The following C1QTNF9 variants were observed in gnomAD, a reference collection of about 807,000 sequenced individuals.
C1QTNF9 encodes C1q and TNF related 9, also known as complement C1q and tumor necrosis factor-related protein 9A.
In C1QTNF9, 6 loss-of-function variants were observed where a neutral mutation model predicts 10.1. The ratio of observed to expected loss-of-function variants is 0.59; its 90% CI spans 0.32 to 1.17. The LOEUF (loss-of-function observed/expected upper bound fraction) is 1.17. C1QTNF9 is among the 50% of genes most tolerant of loss of function. The pLI is 0.04. For synonymous variants in C1QTNF9, 98 were observed against 163.5 expected, an observed-to-expected ratio of 0.60 and a Z score of 3.06; for missense variants, 201 against 418.8, an observed-to-expected ratio of 0.48 and a Z score of 4.54.
At position 24,317,601 on chromosome 13, in the gene C1QTNF9, T is replaced by TTTATCTTATC. The variant is rs60733908; in HGVS notation, c.167-1213_167-1204dup. ...GCTCACACTAAAAATTTACTTCATT[T>TTTATCTTATC]TTATCTTATCTTAAAGTGTATTTTT... is the stretch of plus-strand genomic sequence containing the variant. On this transcript the variant is annotated intron_variant, in intron 2 of 3. Transcript: ENST00000332018. Among the ~76,000 whole-genome samples, 1,222 of 152,122 alleles carry TTTATCTTATC rather than the reference T, an allele frequency of 8.0e-3. 9 individuals are homozygous for TTTATCTTATC. Among genetic ancestry groups the TTTATCTTATC allele is most frequent in the African/African-American group, 0.028 (1,157 of 41,484 alleles).
chr13:24,311,288 A>G (rs991148560), intron 1 of C1QTNF9, among the ~76,000 whole-genome samples: 1 of 152,264 alleles, frequency 6.6e-6, no homozygotes, highest in African/African-American at 2.4e-5. Context: ...AAGGACAGAT[A>G]TAGGTAAAGA....
rs368882530 is a variant in C1QTNF9 at position 24,312,727 on chromosome 13, T to C, written c.-23+3111T>C. 3.8e-4 allele frequency among the ~76,000 whole-genome samples: 57 copies of C among 151,796 alleles called. No individual in the cohort carries two copies. The South Asian group carries it at 4.2e-3, about 11-fold the overall frequency. On this transcript the variant is annotated intron_variant, in intron 1 of 3. Coordinates refer to ENST00000332018, the Ensembl canonical transcript of C1QTNF9. The stretch of plus-strand genomic sequence containing the variant: ...ATCCCAGCACTTTGGGAGGCCGAGG[T>C]GGGCGAATCACAAGGTCAGGAAATC...
intron 1 of C1QTNF9, among the ~76,000 whole-genome samples, chr13:24,314,424 T>C (rs937080790): frequency 1.3e-5 from 2 of 151,064 alleles, no homozygotes; most frequent in African/African-American, 2.4e-5. Context: ...GGCTCATGCC[T>C]GTAATCCCAG....
chr13:24,316,615 C>T (rs55652952), intron 2 of C1QTNF9, among the ~76,000 whole-genome samples: 18,961 of 152,240 alleles, frequency 0.12, 1,270 homozygotes, highest in Middle Eastern at 0.26. Flanking sequence ...GCTAATACCG[C>T]ATCATGCCAT....
At chr13:24,309,606 C>G (rs1482288689) in exon 1 of C1QTNF9, 4 of 151,832 alleles carry the variant, frequency 2.6e-5, no homozygotes, top group Non-Finnish European at 5.9e-5. Context: ...GCCTGCAGCC[C>G]TAGGGTCCAG....
At chr13:24,312,752 C>T (rs566010512) in intron 1 of C1QTNF9, among the ~76,000 whole-genome samples, 5 of 151,746 alleles carry the variant, frequency 3.3e-5, no homozygotes, top group East Asian at 1.9e-4. Context: ...GTCAGGAAAT[C>T]GAGACCATCC....
chr13:24,314,024 C>G (rs1327353225), intron 1 of C1QTNF9, among the ~76,000 whole-genome samples: 1 of 152,010 alleles, frequency 6.6e-6, no homozygotes, highest in Non-Finnish European at 1.5e-5. Context: ...ACGTTTTCAC[C>G]TGTTATAGAT....
intron 1 of C1QTNF9, among the ~76,000 whole-genome samples, chr13:24,311,490 G>T (rs1327649339): frequency 5.9e-5 from 9 of 152,198 alleles, no homozygotes; most frequent in Non-Finnish European, 1.3e-4. Flanking sequence ...TGATATCAAT[G>T]TATAGAGATC....
exon 2 of C1QTNF9, chr13:24,315,991 T>A (rs1878006669): frequency 6.2e-7 from 1 of 1,613,762 alleles, no homozygotes; most frequent in East Asian, 2.2e-5. Context: ...GTTCAGAGTC[T>A]GTCATCTGAA....
At chr13:24,314,117 G>A (rs1877938798) in intron 1 of C1QTNF9, among the ~76,000 whole-genome samples, 2 of 152,202 alleles carry the variant, frequency 1.3e-5, no homozygotes, top group Non-Finnish European at 2.9e-5. Context: ...CAGGGTGAAA[G>A]ACATAGATGT....
intron 1 of C1QTNF9, among the ~76,000 whole-genome samples, chr13:24,314,121 T>C (rs1877938959): frequency 6.6e-6 from 1 of 152,178 alleles, no homozygotes; most frequent in Admixed American, 6.5e-5. Context: ...GTGAAAGACA[T>C]AGATGTCTTT....
upstream of C1QTNF9, among the ~76,000 whole-genome samples, chr13:24,308,182 G>A (rs1381109785): frequency 6.6e-6 from 1 of 152,260 alleles, no homozygotes; most frequent in Admixed American, 6.5e-5. Context: ...CAGAGGTCCA[G>A]GCCGGCAGGC....
intron 1 of C1QTNF9, among the ~76,000 whole-genome samples, chr13:24,311,002 G>A (rs543352872): frequency 1.4e-4 from 21 of 152,096 alleles, no homozygotes; most frequent in Non-Finnish European, 5.9e-5. Flanking sequence ...TTCGATGAAG[G>A]CAGCCTAGAG....
intron 3 of C1QTNF9, among the ~76,000 whole-genome samples, chr13:24,320,190 C>T (rs1878196120): frequency 6.6e-6 from 1 of 151,814 alleles, no homozygotes; most frequent in Admixed American, 6.6e-5. Context: ...GTTAATCTAC[C>T]TGTCTCTGCT....
At chr13:24,312,173 G>T (rs924215652) in intron 1 of C1QTNF9, among the ~76,000 whole-genome samples, 33 of 152,248 alleles carry the variant, frequency 2.2e-4, no homozygotes, top group East Asian at 9.6e-4. Flanking sequence ...TCCACACACA[G>T]TTGGAACCAG....
chr13:24,308,489 G>A (rs1382223897), upstream of C1QTNF9, among the ~76,000 whole-genome samples: 1 of 152,224 alleles, frequency 6.6e-6, no homozygotes, highest in Non-Finnish European at 1.5e-5. Context: ...ATTTTACACC[G>A]ACTAATTAGA....
At chr13:24,310,772 C>G (rs539265645) in intron 1 of C1QTNF9, among the ~76,000 whole-genome samples, 1 of 151,670 alleles carries the variant, frequency 6.6e-6, no homozygotes, top group African/African-American at 2.4e-5. Context: ...ATTAGCCAGG[C>G]GTGGTGGTGG....
chr13:24,317,846 G>T (rs1470234446), intron 2 of C1QTNF9, among the ~76,000 whole-genome samples: 2 of 151,160 alleles, frequency 1.3e-5, no homozygotes, highest in Non-Finnish European at 3.0e-5. Context: ...GCAGCCAGTG[G>T]AGGGGAGGGG....
At chr13:24,307,647 C>T (rs934360675), upstream of C1QTNF9, among the ~76,000 whole-genome samples, 4 of 152,238 alleles carry the variant, frequency 2.6e-5, 1 homozygote, top group Admixed American at 2.6e-4. Context: ...TTGGGCTGCA[C>T]TGGGGAAGGG....
Sources: gnomAD v4.1 joint callset for allele counts (sites outside exome capture counted in the v4.1 genomes callset) on GRCh38, gnomAD v4.1.1 for gene constraint, MANE v1.5 for transcripts, NCBI Gene and HGNC (gene_info 2026-07-23, HGNC 2026-07-21) for gene names.